Variants in PRKG1 observed in about 807,000 individuals in gnomAD.
The protein encoded by PRKG1 is protein kinase cGMP-dependent 1.
In PRKG1, 35 loss-of-function variants were observed where a neutral mutation model predicts 88.1. The ratio of observed to expected loss-of-function variants is 0.40; its 90% CI spans 0.30 to 0.53. PRKG1 has a LOEUF of 0.53. Among genes scored for constraint, PRKG1 ranks in the 20% least tolerant of loss-of-function variants. The pLI is 0.59. For synonymous variants in PRKG1, 303 were observed against 292.5 expected, an observed-to-expected ratio of 1.04 and a Z score of -0.37; for missense variants, 540 against 839.8, an observed-to-expected ratio of 0.64 and a Z score of 4.41.
rs560514950 is a variant in PRKG1 at position 51,971,938 on chromosome 10, T to G, written c.762+64368T>G. 8.8e-4 allele frequency among the ~76,000 whole-genome samples: 134 copies of G among 152,322 alleles called. 1 individual carries two copies. Among genetic ancestry groups the G allele is most frequent in the African/African-American group, 3.1e-3 (128 of 41,588 alleles). On this transcript the variant is annotated intron_variant, in intron 5 of 17. Transcript: ENST00000373980. ...CATCCAGGAATCCACTATCTAGATA[T>G]AACGCATTTTACCATTTTGCCAATT... is the stretch of plus-strand genomic sequence containing the variant.
intron 3 of PRKG1, among the ~76,000 whole-genome samples, chr10:51,661,443 GA>G (rs1302729486): frequency 7.2e-5 from 11 of 152,116 alleles, no homozygotes; most frequent in African/African-American, 2.7e-4. Flanking sequence ...CTTCTCAAAA[GA>G]AGACATTTAT....
At chr10:51,753,333 G>T (rs924437686) in intron 3 of PRKG1, among the ~76,000 whole-genome samples, 1 of 152,006 alleles carries the variant, frequency 6.6e-6, no homozygotes, top group East Asian at 1.9e-4. Context: ...TAGATTATAA[G>T]ATGTCAATTA....
chr10:51,413,196 TG>T (rs2132691728), intron 2 of PRKG1, among the ~76,000 whole-genome samples: 1 of 152,338 alleles, frequency 6.6e-6, no homozygotes, highest in Non-Finnish European at 1.5e-5. Context: ...AAGAGTTTTT[TG>T]TTGCTATTGT....
At chr10:52,117,296 A>G (rs1389975018) in intron 7 of PRKG1, among the ~76,000 whole-genome samples, 2 of 151,586 alleles carry the variant, frequency 1.3e-5, no homozygotes, top group Non-Finnish European at 2.9e-5. Flanking sequence ...TACCTTCCTT[A>G]GTTTATCATC....
At chr10:51,908,734 A>ATATATATAT (rs563212069) in intron 5 of PRKG1, 79 of 52,234 alleles carry the variant, frequency 1.5e-3, no homozygotes, top group African/African-American at 4.4e-3. Context: ...TCTATATGTA[A>ATATATATAT]TTTTTTTTTT....
intron 3 of PRKG1, among the ~76,000 whole-genome samples, chr10:51,657,152 C>T (rs75523114): frequency 0.036 from 5,486 of 152,188 alleles, 139 homozygotes; most frequent in South Asian, 0.1. Context: ...TTAAGCTTTG[C>T]TCATGTTGTT....
chr10:51,907,304 A>G (rs935306731), intron 4 of PRKG1, among the ~76,000 whole-genome samples: 1 of 151,572 alleles, frequency 6.6e-6, no homozygotes, highest in African/African-American at 2.4e-5. Flanking sequence ...TAGACATCAA[A>G]CCATGCTTAA....
chr10:51,596,024 T>C (rs377266393), intron 3 of PRKG1, among the ~76,000 whole-genome samples: 5 of 151,932 alleles, frequency 3.3e-5, no homozygotes, highest in East Asian at 3.9e-4. Context: ...AGAGATGGGG[T>C]TTCACTATTT....
intron 1 of PRKG1, among the ~76,000 whole-genome samples, chr10:51,020,738 A>C (rs1213333388): frequency 6.6e-6 from 1 of 152,212 alleles, no homozygotes; most frequent in African/African-American, 2.4e-5. Flanking sequence ...CACTTTAGTC[A>C]GCAGGATTTT....
At chr10:51,460,980 C>G (rs1839728942) in intron 2 of PRKG1, among the ~76,000 whole-genome samples, 1 of 152,026 alleles carries the variant, frequency 6.6e-6, no homozygotes, top group African/African-American at 2.4e-5. Context: ...AGTTGAGATA[C>G]CTTGATAAGT....
intron 4 of PRKG1, among the ~76,000 whole-genome samples, chr10:51,808,706 G>T (rs1460820850): frequency 1.3e-5 from 2 of 151,992 alleles, no homozygotes; most frequent in Non-Finnish European, 1.5e-5. Context: ...AGAGGGGGAT[G>T]TTTTTCTCTA....
chr10:51,609,758 G>T (rs1394163250), intron 3 of PRKG1, among the ~76,000 whole-genome samples: 1 of 152,146 alleles, frequency 6.6e-6, no homozygotes, highest in African/African-American at 2.4e-5. Flanking sequence ...AGCACCACGT[G>T]TTCTCACTTT....
chr10:52,040,394 G>A (rs967061175), intron 5 of PRKG1, among the ~76,000 whole-genome samples: 10 of 152,168 alleles, frequency 6.6e-5, no homozygotes, highest in African/African-American at 2.4e-4. Context: ...TTCTGCTGAA[G>A]CTAATTGCCT....
At chr10:51,677,989 T>C (rs561539360) in intron 3 of PRKG1, among the ~76,000 whole-genome samples, 5 of 152,224 alleles carry the variant, frequency 3.3e-5, no homozygotes, top group African/African-American at 1.2e-4. Context: ...TTCTTCCTTG[T>C]GAGTTGAGTA....
intron 7 of PRKG1, among the ~76,000 whole-genome samples, chr10:52,130,814 T>C (rs1040143955): frequency 2.0e-5 from 3 of 152,176 alleles, no homozygotes; most frequent in Non-Finnish European, 1.5e-5. Flanking sequence ...CTTACATCTA[T>C]GGAGCAGAAA....
At chr10:52,070,377 A>T (rs535850471) in intron 7 of PRKG1, among the ~76,000 whole-genome samples, 1 of 152,274 alleles carries the variant, frequency 6.6e-6, no homozygotes, top group South Asian at 2.1e-4. Flanking sequence ...CAGTCAAATC[A>T]CCATTCCTTT....
intron 1 of PRKG1, among the ~76,000 whole-genome samples, chr10:51,031,804 T>C (rs764323902): frequency 8.9e-4 from 136 of 152,268 alleles, no homozygotes; most frequent in Non-Finnish European, 1.6e-3. Context: ...TCACAGTTTA[T>C]TATATATCTC....
At chr10:52,037,851 G>A (rs1845657027) in intron 5 of PRKG1, among the ~76,000 whole-genome samples, 1 of 151,402 alleles carries the variant, frequency 6.6e-6, no homozygotes, top group South Asian at 2.1e-4. Context: ...AGATGGATCT[G>A]TAGAAAAGGA....
At chr10:51,174,174 C>T (rs1008175824) in intron 2 of PRKG1, among the ~76,000 whole-genome samples, 3 of 151,796 alleles carry the variant, frequency 2.0e-5, no homozygotes, top group Non-Finnish European at 2.9e-5. Context: ...AATAAAACAT[C>T]ATGTTGGGCA....
Sources: allele counts gnomAD v4.1 joint callset (sites outside exome capture counted in the v4.1 genomes callset), GRCh38; gene constraint gnomAD v4.1.1; transcripts MANE v1.5; gene names NCBI Gene and HGNC (gene_info 2026-07-23, HGNC 2026-07-21).